Variants in TMEM117 observed in about 807,000 individuals in gnomAD.
The protein encoded by TMEM117 is transmembrane protein 117.
TMEM117 carries 27 observed loss-of-function variants against 52.4 expected under a neutral mutation model. The observed-to-expected ratio is 0.51, with a 90% CI of 0.38 to 0.71. TMEM117 has a LOEUF of 0.71. Among genes scored for constraint, TMEM117 ranks in the 30% least tolerant of loss-of-function variants. The probability of loss-of-function intolerance (pLI) is 0.00; values close to 1 mark genes in which losing one functional copy is unlikely to be tolerated. For missense variants in TMEM117, 556 were observed against 630.5 expected (o/e 0.88, Z 1.26); for synonymous variants, 215 against 206.3 (o/e 1.04, Z -0.36).
At chr12:44,097,840 C>T (rs1947796611) in intron 3 of TMEM117, among the ~76,000 whole-genome samples, 2 of 150,736 alleles carry the variant, frequency 1.3e-5, no homozygotes, top group African/African-American at 4.9e-5. Context: ...GCACATGTAC[C>T]CTAAAACTTA....
intron 1 of TMEM117, among the ~76,000 whole-genome samples, chr12:43,841,651 C>T (rs1044644470): frequency 7.9e-5 from 12 of 152,018 alleles, no homozygotes; most frequent in Admixed American, 3.9e-4. Context: ...CTCCAAAATG[C>T]GTGTATTTAA....
chr12:44,303,822 A>T (rs1438676299), intron 6 of TMEM117, among the ~76,000 whole-genome samples: 1 of 152,200 alleles, frequency 6.6e-6, no homozygotes, highest in Non-Finnish European at 1.5e-5. Context: ...AAAAGTGCAG[A>T]CTTCACCACT....
At chr12:44,368,618 A>G (rs1385086326) in intron 6 of TMEM117, among the ~76,000 whole-genome samples, 2 of 152,184 alleles carry the variant, frequency 1.3e-5, no homozygotes, top group Non-Finnish European at 2.9e-5. Flanking sequence ...TATATAGCCC[A>G]TAGGAGAAAT....
At chr12:43,808,514 T>C in the TMEM117 span, among the ~76,000 whole-genome samples, 1 of 152,168 alleles carries the variant, frequency 6.6e-6, no homozygotes, top group Non-Finnish European at 1.5e-5. Context: ...TTTTACAGTT[T>C]GGTAGAGGTA....
At chr12:43,913,516 T>G (rs1317952056) in intron 2 of TMEM117, among the ~76,000 whole-genome samples, 1 of 152,150 alleles carries the variant, frequency 6.6e-6, no homozygotes, top group Non-Finnish European at 1.5e-5. Flanking sequence ...TATTTTTGCC[T>G]GATAGAGGGC....
chr12:43,953,245 G>A (rs912672742), intron 3 of TMEM117, among the ~76,000 whole-genome samples: 2 of 152,104 alleles, frequency 1.3e-5, no homozygotes, highest in East Asian at 1.9e-4. Context: ...ACATTAGTAA[G>A]TCTGCAAAAT....
chr12:44,231,846 T>A (rs1949937305), intron 5 of TMEM117, among the ~76,000 whole-genome samples: 1 of 151,864 alleles, frequency 6.6e-6, no homozygotes, highest in South Asian at 2.1e-4. Context: ...TCCTTGTCAG[T>A]TGTATATGGT....
At chr12:43,871,146 A>C (rs1464832622) in intron 2 of TMEM117, among the ~76,000 whole-genome samples, 1 of 138,716 alleles carries the variant, frequency 7.2e-6, no homozygotes, top group Non-Finnish European at 1.6e-5. Context: ...TCTGTCGCCC[A>C]GGCTGGAGTG....
rs550490486 is a variant in TMEM117, at chr12:43,974,925, C to G, written c.410+30583C>G. Among the ~76,000 whole-genome samples, 41 of 152,228 alleles carry G rather than the reference C, an allele frequency of 2.7e-4. 1 individual carries two copies. Among genetic ancestry groups the G allele is most frequent in the African/African-American group, 9.1e-4 (38 of 41,560 alleles). Reference sequence around the variant, plus strand: ...TACCTATGAAAATGTAGGGAGCTGTCTGAAGCCCAGGAAGGTCAGGAAGGT... The same window carrying G: ...TACCTATGAAAATGTAGGGAGCTGTGTGAAGCCCAGGAAGGTCAGGAAGGT... On this transcript the variant is annotated intron_variant, in intron 3 of 7. Transcript: ENST00000266534.
intron 6 of TMEM117, among the ~76,000 whole-genome samples, chr12:44,365,172 G>A (rs908569256): frequency 2.0e-5 from 3 of 152,004 alleles, no homozygotes; most frequent in South Asian, 4.1e-4. Flanking sequence ...GCATATCTCA[G>A]CCTGCATATT....
intron 3 of TMEM117, among the ~76,000 whole-genome samples, chr12:44,033,707 A>G (rs1946669080): frequency 6.6e-6 from 1 of 152,220 alleles, no homozygotes; most frequent in African/African-American, 2.4e-5. Context: ...AGTAGAAAAA[A>G]TCTTCTAAGT....
At chr12:43,835,356 G>GT (rs1943009774), upstream of TMEM117, among the ~76,000 whole-genome samples, 1 of 152,166 alleles carries the variant, frequency 6.6e-6, no homozygotes, top group South Asian at 2.1e-4. Flanking sequence ...TTGTACATGA[G>GT]TATGTGTGCT....
chr12:43,853,308 A>T (rs949501928), intron 2 of TMEM117, among the ~76,000 whole-genome samples: 2 of 152,030 alleles, frequency 1.3e-5, no homozygotes, highest in African/African-American at 4.8e-5. Context: ...ACAGAGTCTC[A>T]CTCTGTTGCC....
At chr12:44,380,237 G>A (rs1380873387) in intron 7 of TMEM117, among the ~76,000 whole-genome samples, 5 of 152,188 alleles carry the variant, frequency 3.3e-5, no homozygotes, top group Non-Finnish European at 7.4e-5. Flanking sequence ...AATCCTCCTA[G>A]GAGCTGAAAT....
At chr12:44,070,797 T>G (rs1256117696) in intron 3 of TMEM117, among the ~76,000 whole-genome samples, 1 of 152,166 alleles carries the variant, frequency 6.6e-6, no homozygotes, top group Non-Finnish European at 1.5e-5. Flanking sequence ...GCATTCAGCC[T>G]CCTCCAGTAA....
At chr12:43,800,355 G>T in the TMEM117 span, 2 of 919,748 alleles carry the variant, frequency 2.2e-6, no homozygotes, top group South Asian at 1.6e-5. Flanking sequence ...ATCTGAATTC[G>T]TATCAATTAC....
At chr12:44,233,846 A>T (rs1277575560) in intron 5 of TMEM117, among the ~76,000 whole-genome samples, 4 of 151,568 alleles carry the variant, frequency 2.6e-5, no homozygotes, top group Admixed American at 2.6e-4. Context: ...TCTCATTTTG[A>T]AGAGCATGTA....
the TMEM117 span, chr12:43,797,504 A>C: frequency 1.2e-5 from 17 of 1,446,792 alleles, no homozygotes; most frequent in South Asian, 2.1e-4. Flanking sequence ...AAGGAAATTA[A>C]GTTAAAACAT....
intron 3 of TMEM117, among the ~76,000 whole-genome samples, chr12:43,954,188 C>T (rs1945269878): frequency 6.6e-6 from 1 of 152,110 alleles, no homozygotes; most frequent in Non-Finnish European, 1.5e-5. Context: ...TAAATGCCCA[C>T]ATGAAAAAGC....
Sources: allele counts gnomAD v4.1 joint callset (sites outside exome capture counted in the v4.1 genomes callset), GRCh38; gene constraint gnomAD v4.1.1; transcripts MANE v1.5; gene names NCBI Gene and HGNC (gene_info 2026-07-23, HGNC 2026-07-21).